Variants in TULP4 observed in about 807,000 individuals in gnomAD.
TULP4 encodes TUB like protein 4, also known as tubby-related protein 4.
In TULP4, 16 loss-of-function variants were observed where a neutral mutation model predicts 129.0. The ratio of observed to expected loss-of-function variants is 0.12; its 90% CI spans 0.08 to 0.19. The LOEUF (loss-of-function observed/expected upper bound fraction) is 0.19. Among genes scored for constraint, TULP4 ranks in the 10% least tolerant of loss-of-function variants. TULP4 has a pLI of 1.00. For synonymous variants in TULP4, 998 were observed against 854.0 expected (o/e 1.17, Z -2.94); for missense variants, 1,842 against 2,059.1 (o/e 0.89, Z 2.04).
chr6:158,454,021 GC>G lies in TULP4; in HGVS notation c.859+1762del, dbSNP rs938075482. 7.5e-5 allele frequency among the ~76,000 whole-genome samples: 8 copies of G among 107,178 alleles called. No individual in the cohort carries two copies. The South Asian group carries it at 8.9e-4, about 12-fold the overall frequency. 70.3% of individuals were successfully genotyped at this position (107,178 alleles called of 152,430 possible). A position where few individuals can be genotyped will look rare whatever the true frequency, so the allele number is the denominator to read the frequency against. On this transcript the variant is annotated intron_variant, in intron 5 of 13. Transcript: ENST00000367097. ...CAAGAATCATACCTGCCTCTGCACC[GC>G]CCCCCCCCAAGTAATTACTCTATTT... is the stretch of plus-strand genomic sequence containing the variant.
At chr6:158,393,674 A>G (rs1777641859) in intron 1 of TULP4, among the ~76,000 whole-genome samples, 1 of 152,144 alleles carries the variant, frequency 6.6e-6, no homozygotes. Flanking sequence ...TTTAGCTACA[A>G]CTGGAGCTAG....
upstream of TULP4, among the ~76,000 whole-genome samples, chr6:158,309,898 AC>A (rs1429157123): frequency 2.7e-4 from 2 of 7,516 alleles, no homozygotes; most frequent in East Asian, 0.014. Context: ...GGAGAGGGAG[AC>A]CGTGGGGAGA....
intron 5 of TULP4, among the ~76,000 whole-genome samples, chr6:158,460,334 C>T (rs949264763): frequency 3.3e-5 from 5 of 152,142 alleles, no homozygotes; most frequent in African/African-American, 1.2e-4. Context: ...AAATATGTGC[C>T]CATCAGGGCA....
chr6:158,503,971 A>G lies in TULP4; in HGVS notation c.4308A>G (p.Pro1436=), dbSNP rs761991023. Residue 1436 remains proline, a synonymous_variant, in exon 13 of 14, where the codon CCA becomes CCG. Coordinates refer to ENST00000367097, the MANE Select transcript of TULP4 (RefSeq NM_020245.5). The surrounding 1 kb of genome is among the most constrained non-coding windows in gnomAD (Gnocchi z 4.3). ...SRKGWKSKRS[P]RAAGELEEAK... ...AGGGCTGGAAAAGCAAGCGCTCCCC[A>G]CGGGCCGCCGGCGAGCTGGAGGAGG... 47 of 1,612,980 alleles carry G rather than the reference A, an allele frequency of 2.9e-5. No individual in the cohort carries two copies. Among genetic ancestry groups the G allele is most frequent in the Non-Finnish European group, 4.0e-5 (47 of 1,179,618 alleles).
At chr6:158,388,609 G>A (rs199947992) in intron 1 of TULP4, among the ~76,000 whole-genome samples, 3 of 149,088 alleles carry the variant, frequency 2.0e-5, no homozygotes, top group East Asian at 2.0e-4. Context: ...GATTACAGGC[G>A]TGAGCCACCG....
chr6:158,413,354 C>T lies in TULP4; in HGVS notation c.381+161C>T, dbSNP rs2115010252. Among the ~76,000 whole-genome samples, 1 of 152,340 alleles carries T rather than the reference C, an allele frequency of 6.6e-6. No individual in the cohort carries two copies. Among genetic ancestry groups the T allele is most frequent in the African/African-American group, 2.4e-5 (1 of 41,578 alleles). On this transcript the variant is annotated intron_variant, in intron 2 of 13. Coordinates refer to ENST00000367097, the MANE Select transcript of TULP4 (RefSeq NM_020245.5). This position sits in a 1 kb window ranked among gnomAD's most constrained non-coding sequence, Gnocchi z 4.9. ...AGAATCCTACTTTTCATTTCTCTCA[C>T]ATATGTCACTGGATAAAAAGAGTAC...
chr6:158,430,039 A>G (rs1458718487), intron 3 of TULP4, 142 bp downstream of exon 3: 20 of 776,834 alleles, frequency 2.6e-5, no homozygotes, highest in African/African-American at 3.6e-5. Flanking sequence ...TCCAGGTAAA[A>G]ATTAAAATAA....
At chr6:158,419,390 T>C (rs1430395026) in intron 2 of TULP4, among the ~76,000 whole-genome samples, 1 of 152,242 alleles carries the variant, frequency 6.6e-6, no homozygotes, top group African/African-American at 2.4e-5. Context: ...AGATTATAGA[T>C]AGCATTTGTT....
At chr6:158,361,700 C>G (rs756124518) in intron 1 of TULP4, among the ~76,000 whole-genome samples, 1 of 152,158 alleles carries the variant, frequency 6.6e-6, no homozygotes, top group Non-Finnish European at 1.5e-5. Flanking sequence ...CTATACAGAA[C>G]TGTAAGAAGT....
intron 1 of TULP4, among the ~76,000 whole-genome samples, 176 bp downstream of exon 1, chr6:158,314,444 C>G (rs1166392963): frequency 6.6e-6 from 1 of 151,980 alleles, no homozygotes; most frequent in Non-Finnish European, 1.5e-5. Context: ...GGACATAGTT[C>G]ACAGTAGGCT....
chr6:158,430,478 C>T (rs576793742), intron 3 of TULP4, among the ~76,000 whole-genome samples: 209 of 152,278 alleles, frequency 1.4e-3, no homozygotes, highest in Non-Finnish European at 2.5e-3. Context: ...CACGGTGGCT[C>T]ACGCCTGTAA....
intron 1 of TULP4, among the ~76,000 whole-genome samples, chr6:158,289,826 C>T (rs1368669089): frequency 6.6e-6 from 1 of 151,460 alleles, no homozygotes; most frequent in African/African-American, 2.4e-5. Flanking sequence ...AGCAGTCCTC[C>T]CACCCTGGCC....
In TULP4 at chr6:158,498,734, C is replaced by T. The variant is rs142940235; in HGVS notation, c.1936C>T (p.Arg646Trp). 8.1e-6 allele frequency: 13 copies of T among 1,614,162 alleles called. No individual in the cohort carries two copies. Among genetic ancestry groups the T allele is most frequent in the Middle Eastern group, 1.6e-4 (1 of 6,062 alleles). ...RQMTIYLPEV[R>W]KISMDYINLP... ...GATGACCATTTATCTCCCAGAAGTT[C>T]GGAAAATTTCCATGGACTATATTAA... Residue 646 changes from arginine to tryptophan, a missense_variant, in exon 12 of 14, where the codon CGG becomes TGG. Coordinates refer to ENST00000367097, the MANE Select transcript of TULP4 (RefSeq NM_020245.5).
At chr6:158,331,826 A>G (rs1302657901) in intron 1 of TULP4, among the ~76,000 whole-genome samples, 2 of 142,864 alleles carry the variant, frequency 1.4e-5, no homozygotes, top group African/African-American at 5.1e-5. Flanking sequence ...GTCTGGGTTC[A>G]ATTAGGAGAC....
intron 1 of TULP4, among the ~76,000 whole-genome samples, chr6:158,236,689 C>T (rs576914653): frequency 6.6e-6 from 1 of 151,230 alleles, no homozygotes; most frequent in South Asian, 2.1e-4. Context: ...CTGTTTAAAT[C>T]CTGGAAAACC....
chr6:158,299,895 C>A (rs899122687), intron 1 of TULP4, among the ~76,000 whole-genome samples: 1 of 152,052 alleles, frequency 6.6e-6, no homozygotes, highest in African/African-American at 2.4e-5. Context: ...TAAGCGAGAT[C>A]CAGTGCTAAA....
At chr6:158,483,649 G>A (rs767893872) in intron 8 of TULP4, among the ~76,000 whole-genome samples, 10 of 152,100 alleles carry the variant, frequency 6.6e-5, no homozygotes, top group South Asian at 2.1e-4. Flanking sequence ...TTAACTCATT[G>A]AGGCCGCCAT....
At chr6:158,491,448 T>TTCTTTTTTTTGAGGAG in intron 9 of TULP4, among the ~76,000 whole-genome samples, 1 of 59,822 alleles carries the variant, frequency 1.7e-5, no homozygotes, top group South Asian at 5.7e-4. Context: ...TTTCTTTTCT[T>TTCTTTTTTTTGAGGAG]TCTTTCTTTT....
chr6:158,352,058 T>A (rs1780537605), intron 1 of TULP4, among the ~76,000 whole-genome samples: 1 of 152,174 alleles, frequency 6.6e-6, no homozygotes, highest in South Asian at 2.1e-4. Flanking sequence ...TTGGGGCATT[T>A]AAAAATATAT....
Sources: allele counts gnomAD v4.1 joint callset (sites outside exome capture counted in the v4.1 genomes callset), GRCh38; gene constraint gnomAD v4.1.1; non-coding constraint Gnocchi (gnomAD v3.1); transcripts MANE v1.5; gene names NCBI Gene and HGNC (gene_info 2026-07-23, HGNC 2026-07-21).